The following AFDN variants were observed in gnomAD, a reference collection of about 807,000 sequenced individuals.
AFDN encodes afadin, adherens junction formation factor.
AFDN carries 68 observed loss-of-function variants against 216.6 expected under a neutral mutation model. The ratio of observed to expected loss-of-function variants is 0.31; its 90% CI spans 0.26 to 0.38. The LOEUF (loss-of-function observed/expected upper bound fraction) is 0.38. Among genes scored for constraint, AFDN ranks in the 10% least tolerant of loss-of-function variants. AFDN has a pLI of 1.00. For missense variants in AFDN, 2,136 were observed against 2,342.0 expected, an observed-to-expected ratio of 0.91 and a Z score of 1.82; for synonymous variants, 868 against 853.7, an observed-to-expected ratio of 1.02 and a Z score of -0.29.
chr6:167,946,729 T>C lies in AFDN; in HGVS notation c.3381T>C (p.Gly1127=). Residue 1127 remains glycine, a synonymous_variant, in exon 27 of 34, where the codon GGT becomes GGC. Coordinates refer to ENST00000683244, the MANE Select transcript of AFDN (RefSeq NM_001386888.1). ...MQRISDRRGS[G]KPRPKSEGFE... ...CAGTTTCAGATCGTCGTGGCTCAGG[T>C]AAACCCCGACCAAAGAGTGAAGGCT... 1 of 1,614,108 alleles carries C rather than the reference T, an allele frequency of 6.2e-7. No individual in the cohort carries two copies. Among genetic ancestry groups the C allele is most frequent in the Non-Finnish European group, 8.5e-7 (1 of 1,180,010 alleles).
In AFDN at chr6:167,922,882, C is replaced by G. The variant is rs778409493; in HGVS notation, c.2935C>G (p.Arg979Gly). 3 of 1,612,574 alleles carry G rather than the reference C, an allele frequency of 1.9e-6. No individual in the cohort carries two copies. In the East Asian group the frequency reaches 6.7e-5, roughly 36 times the overall value. The change falls in exon 22 of 34, where the codon CGT becomes GGT. Residue 979 changes from arginine (R) to glycine (G), a missense_variant. By Grantham distance (125) the Arg-to-Gly change is moderately radical. Around this residue, in one of 8 missense-constraint regions of AFDN, gnomAD observed 162 missense variants for 182.6 expected, o/e 0.89. Coordinates refer to ENST00000683244, the MANE Select transcript of AFDN (RefSeq NM_001386888.1). Reference sequence around the variant, plus strand: ...ATTTTGCAGGTTAATTCCTCACACACGTTCACCAGGTACTTGGACAATATA... The same window carrying G: ...ATTTTGCAGGTTAATTCCTCACACAGGTTCACCAGGTACTTGGACAATATA... Reference protein sequence around the residue: ...RGFCRLIPHTRSPGTWTIYFE... With the variant: ...RGFCRLIPHTGSPGTWTIYFE...
Position 167,947,473 on chromosome 6 carries a change from C to T in AFDN, c.3554-380C>T, listed in dbSNP as rs555712177. Among the ~76,000 whole-genome samples the T allele has an allele frequency of 2.9e-4, 44 of 152,176 alleles. 1 individual carries two copies. The South Asian group carries it at 8.9e-3, about 31-fold the overall frequency. ...GGATTACAGGCTTGAGCCACCATGC[C>T]CAGCCAATATTTTTTACATTTTTAA... is the stretch of plus-strand genomic sequence containing the variant. On this transcript the variant is annotated intron_variant, in intron 27 of 33. Transcript: ENST00000683244.
chr6:167,864,449 A>G, intron 1 of AFDN, 102 bp from the exon 2 acceptor site: 1 of 1,132,528 alleles, frequency 8.8e-7, no homozygotes, highest in Non-Finnish European at 1.3e-6. Flanking sequence ...ATGATGAAGC[A>G]TTTTTTAAAA....
intron 1 of AFDN, among the ~76,000 whole-genome samples, chr6:167,828,569 T>G (rs777369690): frequency 6.6e-6 from 1 of 152,244 alleles, no homozygotes; most frequent in Non-Finnish European, 1.5e-5. Context: ...TTTTATGAGT[T>G]AGGTTCTAGT....
chr6:167,866,279 T>G (rs1047053461), intron 2 of AFDN, among the ~76,000 whole-genome samples: 1 of 152,186 alleles, frequency 6.6e-6, no homozygotes, highest in African/African-American at 2.4e-5. Flanking sequence ...AAGGAAATAG[T>G]GTCTTCCCCA....
intron 7 of AFDN, among the ~76,000 whole-genome samples, 187 bp downstream of exon 7, chr6:167,889,513 A>T (rs536245269): frequency 1.3e-5 from 2 of 152,284 alleles, no homozygotes; most frequent in Admixed American, 6.5e-5. Context: ...GGCTCACTGC[A>T]AGCTCCACCT....
chr6:167,852,416 G>A (rs1176996622), intron 1 of AFDN, among the ~76,000 whole-genome samples: 1 of 152,126 alleles, frequency 6.6e-6, no homozygotes, highest in Non-Finnish European at 1.5e-5. Context: ...GGTTTGACAT[G>A]TTTCTCTAGC....
chr6:167,941,721 G>A lies in AFDN; in HGVS notation c.3100-1408G>A. ...GACACAGAGGGATGTAGGGGTGAGG[G>A]TGGAAACCATCCACAGGAGAGATGT... On this transcript the variant is annotated intron_variant, in intron 23 of 33. Transcript: ENST00000683244. 2.9e-5 allele frequency among the ~76,000 whole-genome samples: 2 copies of A among 68,054 alleles called. 1 individual carries two copies. Among genetic ancestry groups the A allele is most frequent in the Admixed American group, 3.0e-4 (2 of 6,750 alleles). 44.6% of individuals were successfully genotyped at this position (68,054 alleles called of 152,430 possible). A position where few individuals can be genotyped will look rare whatever the true frequency, so the allele number is the denominator to read the frequency against.
At chr6:167,878,788 C>G (rs1785746373) in intron 5 of AFDN, among the ~76,000 whole-genome samples, 1 of 152,152 alleles carries the variant, frequency 6.6e-6, no homozygotes, top group African/African-American at 2.4e-5. Context: ...GCCAGTGAAC[C>G]CAACCAGACT....
chr6:167,883,968 C>G (rs1786466849), intron 6 of AFDN, among the ~76,000 whole-genome samples: 2 of 152,184 alleles, frequency 1.3e-5, no homozygotes, highest in Non-Finnish European at 1.5e-5. Flanking sequence ...AGTCAGTCCT[C>G]CCAACCCCTG....
At chr6:167,846,289 G>C (rs1781673156) in intron 1 of AFDN, among the ~76,000 whole-genome samples, 1 of 151,900 alleles carries the variant, frequency 6.6e-6, no homozygotes, top group African/African-American at 2.4e-5. Context: ...CTTGGATGTA[G>C]GTTTGTTAAT....
chr6:167,849,394 C>T (rs1444493424), intron 1 of AFDN, among the ~76,000 whole-genome samples: 8 of 151,906 alleles, frequency 5.3e-5, no homozygotes, highest in East Asian at 3.8e-4. Flanking sequence ...TGTTTGTTGC[C>T]GTTTCTTATT....
chr6:167,887,419 A>G (rs1009551625), intron 6 of AFDN, among the ~76,000 whole-genome samples: 4 of 149,294 alleles, frequency 2.7e-5, no homozygotes, highest in Non-Finnish European at 5.9e-5. Flanking sequence ...TTTTACCTTG[A>G]AATTCTTTAT....
chr6:167,912,801 T>A (rs1790570090), intron 15 of AFDN, among the ~76,000 whole-genome samples: 1 of 152,204 alleles, frequency 6.6e-6, no homozygotes, highest in Admixed American at 6.5e-5. Context: ...TTAGGGTTAG[T>A]ATCCAGTGGG....
intron 2 of AFDN, among the ~76,000 whole-genome samples, chr6:167,867,408 C>T (rs768374711): frequency 5.6e-4 from 85 of 150,822 alleles, no homozygotes; most frequent in Non-Finnish European, 1.0e-3. Flanking sequence ...GTTTCTATTA[C>T]GGACTAATTC....
chr6:167,951,098 T>C lies in AFDN; in HGVS notation c.3832-88T>C. On this transcript the variant is annotated intron_variant, in intron 29 of 33. Transcript: ENST00000683244. This position sits in a 1 kb window ranked among gnomAD's most constrained non-coding sequence, Gnocchi z 7.1. ...CTTTCTGTACACTGATTTAACAGTT[T>C]TTCTTCTGTCTGAAGATAAAATGTT... The C allele has an allele frequency of 6.9e-7, 1 of 1,453,698 alleles. No homozygotes were observed. The highest frequency in any genetic ancestry group is 2.4e-5 in the East Asian group (1 of 40,852). The allele number at this position is 1,453,698 out of a possible 1,614,324, so 90.0% of individuals were successfully genotyped here. A position where few individuals can be genotyped will look rare whatever the true frequency, so the allele number is the denominator to read the frequency against.
In AFDN at chr6:167,969,150, T is replaced by C. The variant is rs1349873463; in HGVS notation, c.5294T>C (p.Val1765Ala). The change falls in exon 33 of 34, where the codon GTT (valine) becomes GCT (alanine). Residue 1765 changes from valine (V) to alanine (A), a missense_variant. By Grantham distance (64) the Val-to-Ala change is moderately conservative. This residue lies in a region of AFDN where 981 missense variants were observed against 966.0 expected (regional missense o/e 1.02). Coordinates refer to ENST00000683244, the MANE Select transcript of AFDN (RefSeq NM_001386888.1). The part of the protein sequence containing the change: ...NSYPGSTGAA[V>A]GAHDACRDAK... Reference sequence around the variant, plus strand: ...TACCCAGGATCTACTGGAGCAGCTGTTGGAGCCCATGACGCCTGTCGGGAT... The same window carrying C: ...TACCCAGGATCTACTGGAGCAGCTGCTGGAGCCCATGACGCCTGTCGGGAT... 6.2e-7 allele frequency: 1 copy of C among 1,613,914 alleles called. No homozygotes were observed. Among genetic ancestry groups the C allele is most frequent in the African/African-American group, 1.3e-5 (1 of 74,934 alleles).
intron 1 of AFDN, among the ~76,000 whole-genome samples, chr6:167,860,404 G>A (rs1032800536): frequency 1.3e-5 from 2 of 152,082 alleles, no homozygotes; most frequent in African/African-American, 4.8e-5. Flanking sequence ...GCAGAGCATT[G>A]TATTGGATCC....
At chr6:167,967,475 G>A (rs1797681100) in intron 32 of AFDN, among the ~76,000 whole-genome samples, 1 of 152,068 alleles carries the variant, frequency 6.6e-6, no homozygotes, top group Non-Finnish European at 1.5e-5. Flanking sequence ...CTACAATTTG[G>A]TACCTTTTAG....
Sources: allele counts gnomAD v4.1 joint callset (sites outside exome capture counted in the v4.1 genomes callset), GRCh38; gene constraint gnomAD v4.1.1; regional missense constraint gnomAD v4.1.1; non-coding constraint Gnocchi (gnomAD v3.1); transcripts MANE v1.5; gene names NCBI Gene and HGNC (gene_info 2026-07-23, HGNC 2026-07-21).